Variants in CAMTA1 observed in about 807,000 individuals in gnomAD.
CAMTA1 encodes the protein calmodulin binding transcription activator 1, also known as calmodulin-binding transcription activator 1.
Under a neutral mutation model 170.9 loss-of-function variants are expected in CAMTA1, and 27 were observed. The ratio of observed to expected loss-of-function variants is 0.16; its 90% CI spans 0.12 to 0.22. The LOEUF (loss-of-function observed/expected upper bound fraction) is 0.22. Ranked by LOEUF, CAMTA1 falls within the 10% of genes least tolerant of loss-of-function variation. The pLI, the probability that CAMTA1 is intolerant of heterozygous loss-of-function variation, is 1.00. For synonymous variants in CAMTA1, 833 were observed against 891.5 expected (o/e 0.93, Z 1.17); for missense variants, 1,619 against 2,217.2 (o/e 0.73, Z 5.42).
chr1:7,691,882 T>C (rs1327352672), intron 11 of CAMTA1, among the ~76,000 whole-genome samples: 4 of 151,960 alleles, frequency 2.6e-5, no homozygotes, highest in Non-Finnish European at 5.9e-5. Context: ...TCTGTCTTAA[T>C]TATCATTGTG....
intron 4 of CAMTA1, among the ~76,000 whole-genome samples, chr1:7,099,645 G>T (rs1642486781): frequency 6.6e-6 from 1 of 152,192 alleles, no homozygotes; most frequent in Non-Finnish European, 1.5e-5. Flanking sequence ...CTTACCTGGG[G>T]GAGGGGCTGG....
rs142200286 is a variant in CAMTA1, at chr1:7,751,246, C to A, written c.4737C>A (p.Ser1579Arg). The A allele has an allele frequency of 9.3e-6, 15 of 1,609,468 alleles. No individual in the cohort carries two copies. The East Asian group carries it at 3.1e-4, about 34-fold the overall frequency. The change falls in exon 20 of 23, where the codon AGC (serine) becomes AGA (arginine). Residue 1579 changes from serine (S) to arginine (R), a missense_variant. Physicochemically the swap from Ser to Arg is moderately radical, Grantham distance 110 (BLOSUM62 -1). This residue lies in a region of CAMTA1 where 128 missense variants were observed against 213.5 expected (regional missense o/e 0.60). Transcript: ENST00000303635. ...KMTQAAILIQ[S>R]KFRSYYEQKK... Reference sequence around the variant, plus strand: ...CACAGGCTGCCATCCTTATCCAGAGCAAATTCCGAAGTTACTATGAACAAA... The same window carrying A: ...CACAGGCTGCCATCCTTATCCAGAGAAAATTCCGAAGTTACTATGAACAAA...
intron 4 of CAMTA1, among the ~76,000 whole-genome samples, chr1:7,099,428 A>G (rs1642461055): frequency 6.6e-6 from 1 of 152,184 alleles, no homozygotes; most frequent in Non-Finnish European, 1.5e-5. Context: ...ACTTGTAAGA[A>G]AAGATAGCAG....
At chr1:7,321,119 C>T (rs1678353348) in intron 5 of CAMTA1, among the ~76,000 whole-genome samples, 1 of 152,216 alleles carries the variant, frequency 6.6e-6, no homozygotes, top group South Asian at 2.1e-4. Flanking sequence ...ACCTGCCCAT[C>T]TCTTTTTCCA....
At chr1:7,025,297 G>A (rs1701875222) in intron 3 of CAMTA1, among the ~76,000 whole-genome samples, 1 of 152,228 alleles carries the variant, frequency 6.6e-6, no homozygotes, top group Admixed American at 6.5e-5. Context: ...CTGAGAGCTG[G>A]CTCTGGCAGC....
intron 4 of CAMTA1, among the ~76,000 whole-genome samples, chr1:7,109,006 G>C (rs1005430): frequency 0.89 from 135,526 of 152,210 alleles, 60,695 homozygotes; most frequent in African/African-American, 0.97. Context: ...GCTGAGGGCT[G>C]AACTCCTTTC....
At chr1:7,541,540 ATC>A (rs552842669) in intron 6 of CAMTA1, among the ~76,000 whole-genome samples, 132 of 152,344 alleles carry the variant, frequency 8.7e-4, no homozygotes, top group Non-Finnish European at 1.7e-3. Flanking sequence ...CGGAATATAA[ATC>A]TCTGTTTGCT....
intron 3 of CAMTA1, among the ~76,000 whole-genome samples, chr1:6,930,565 G>C (rs1684217325): frequency 6.6e-6 from 1 of 152,182 alleles, no homozygotes; most frequent in Non-Finnish European, 1.5e-5. Context: ...GGGGGTTAGG[G>C]GTTCGGCCCT....
chr1:7,021,977 CAG>C (rs1374897507), intron 3 of CAMTA1, among the ~76,000 whole-genome samples: 8 of 152,102 alleles, frequency 5.3e-5, no homozygotes, highest in Non-Finnish European at 1.2e-4. Flanking sequence ...GCATTTGTCC[CAG>C]AGACTCAGGG....
intron 6 of CAMTA1, among the ~76,000 whole-genome samples, chr1:7,478,721 G>T (rs1375186422): frequency 8.1e-6 from 1 of 123,338 alleles, no homozygotes; most frequent in Non-Finnish European, 1.7e-5. Context: ...TCTTTATCAA[G>T]CCAAACAATT....
chr1:7,138,771 G>T (rs968060587), intron 4 of CAMTA1, among the ~76,000 whole-genome samples: 2 of 152,186 alleles, frequency 1.3e-5, no homozygotes, highest in East Asian at 1.9e-4. Flanking sequence ...AAGGCAGGCG[G>T]ATCATTTGAT....
intron 3 of CAMTA1, among the ~76,000 whole-genome samples, chr1:7,002,859 G>A (rs146149490): frequency 6.6e-6 from 1 of 152,314 alleles, no homozygotes; most frequent in Non-Finnish European, 1.5e-5. Flanking sequence ...TGACGATGCT[G>A]AACAGGCTCC....
chr1:7,566,704 A>C (rs1362627507), intron 6 of CAMTA1, among the ~76,000 whole-genome samples: 1 of 152,178 alleles, frequency 6.6e-6, no homozygotes, highest in African/African-American at 2.4e-5. Context: ...GCTGTGTCAC[A>C]CTTAGAAGGC....
chr1:7,262,695 A>G (rs779976971), intron 5 of CAMTA1, among the ~76,000 whole-genome samples: 2 of 152,292 alleles, frequency 1.3e-5, no homozygotes, highest in Admixed American at 6.5e-5. Flanking sequence ...AACTCCTAGG[A>G]CACCCCTTCA....
intron 4 of CAMTA1, among the ~76,000 whole-genome samples, chr1:7,098,650 A>G (rs981771372): frequency 2.0e-5 from 3 of 152,152 alleles, no homozygotes; most frequent in African/African-American, 7.2e-5. Flanking sequence ...TCTTTATCCT[A>G]GTTAATCCCA....
At chr1:7,432,088 C>T (rs968726936) in intron 5 of CAMTA1, among the ~76,000 whole-genome samples, 23 of 152,198 alleles carry the variant, frequency 1.5e-4, no homozygotes, top group Non-Finnish European at 2.6e-4. Flanking sequence ...GATCGAACAA[C>T]GCTGACAAAG....
At chr1:6,800,787 C>T (rs1373274843) in intron 1 of CAMTA1, among the ~76,000 whole-genome samples, 3 of 152,158 alleles carry the variant, frequency 2.0e-5, no homozygotes, top group Non-Finnish European at 4.4e-5. Flanking sequence ...GAACCTGCTC[C>T]CTGGGCCTCC....
chr1:7,572,017 T>G (rs1011757322), intron 6 of CAMTA1, among the ~76,000 whole-genome samples: 1 of 152,246 alleles, frequency 6.6e-6, no homozygotes, highest in Admixed American at 6.5e-5. Context: ...TTTGATTTTT[T>G]AATAATAGGC....
At position 7,426,844 on chromosome 1, in the gene CAMTA1, C is replaced by T. The variant is rs1452457586; in HGVS notation, c.439-40986C>T. On this transcript the variant is annotated intron_variant, in intron 5 of 22. Coordinates refer to ENST00000303635, the MANE Select transcript of CAMTA1 (RefSeq NM_015215.4). This position sits in a 1 kb window ranked among gnomAD's most constrained non-coding sequence, Gnocchi z 4.8. Reference sequence around the variant, plus strand: ...AATTGCAAAATTAGAGTTAAAAAGACCTGAACGGCTGTCCTCCTGGGAGTC... The same window carrying T: ...AATTGCAAAATTAGAGTTAAAAAGATCTGAACGGCTGTCCTCCTGGGAGTC... Among the ~76,000 whole-genome samples, 1 of 152,158 alleles carries T rather than the reference C, an allele frequency of 6.6e-6. No homozygotes were observed. Among genetic ancestry groups the T allele is most frequent in the Non-Finnish European group, 1.5e-5 (1 of 68,038 alleles).
Sources: allele counts gnomAD v4.1 joint callset (sites outside exome capture counted in the v4.1 genomes callset), GRCh38; gene constraint gnomAD v4.1.1; regional missense constraint gnomAD v4.1.1; non-coding constraint Gnocchi (gnomAD v3.1); transcripts MANE v1.5; gene names NCBI Gene and HGNC (gene_info 2026-07-23, HGNC 2026-07-21).